The following WDR41 variants were observed in gnomAD, a reference collection of about 807,000 sequenced individuals.
WDR41 encodes WD repeat-containing protein 41.
A neutral mutation model predicts 69.3 loss-of-function variants in WDR41; 63 were observed. That is an observed-to-expected ratio of 0.91 (90% CI 0.74 to 1.12). The LOEUF (loss-of-function observed/expected upper bound fraction) is 1.12. WDR41 is among the 50% of genes most tolerant of loss of function. The probability of loss-of-function intolerance (pLI) is 0.00; values close to 1 mark genes in which losing one functional copy is unlikely to be tolerated. For synonymous variants in WDR41, 185 were observed against 192.1 expected, an observed-to-expected ratio of 0.96 and a Z score of 0.31; for missense variants, 543 against 534.5, an observed-to-expected ratio of 1.02 and a Z score of -0.16.
chr5:77,512,728 G>C (rs933925411), intron 1 of WDR41, among the ~76,000 whole-genome samples: 2 of 127,128 alleles, frequency 1.6e-5, no homozygotes, highest in African/African-American at 6.1e-5. Flanking sequence ...CCTGGCGAGA[G>C]AGCGAAGACT....
intron 1 of WDR41, among the ~76,000 whole-genome samples, chr5:77,504,450 G>T (rs1296571761): frequency 6.6e-6 from 1 of 152,278 alleles, no homozygotes; most frequent in East Asian, 1.9e-4. Flanking sequence ...GAGGTACAAA[G>T]AAGAGCTGGT....
chr5:77,576,129 T>C, intron 1 of WDR41, among the ~76,000 whole-genome samples: 1 of 152,154 alleles, frequency 6.6e-6, no homozygotes, highest in South Asian at 2.1e-4. Context: ...GTTTGCGATA[T>C]GACAAAACGC....
intron 7 of WDR41, 27 bp from the exon 8 acceptor site, chr5:77,449,897 T>C: frequency 1.4e-6 from 2 of 1,469,342 alleles, no homozygotes; most frequent in Admixed American, 3.4e-5. Flanking sequence ...GATAAAATTT[T>C]ATTACAATGC....
intron 1 of WDR41, among the ~76,000 whole-genome samples, chr5:77,541,857 T>C (rs1161071802): frequency 6.6e-6 from 1 of 152,186 alleles, no homozygotes. Flanking sequence ...TGGAAGACAG[T>C]ATGGCAATTC....
In WDR41 at chr5:77,582,878, C is replaced by T. The variant is rs530001025; in HGVS notation, c.42+37601G>A. 19 of 1,606,172 alleles carry T rather than the reference C, an allele frequency of 1.2e-5. No individual in the cohort carries two copies. In the South Asian group the frequency reaches 2.1e-4, roughly 18 times the overall value. On this transcript the variant is annotated intron_variant, in intron 1 of 5. Coordinates refer to the WDR41 transcript ENST00000509971. The stretch of plus-strand genomic sequence containing the variant: ...GGCAAAATCAATAAGAAGCGAATTG[C>T]TTTGACAGATAACGCTTTGATTGCT...
intron 2 of WDR41, among the ~76,000 whole-genome samples, chr5:77,467,934 G>GT (rs1172573742): frequency 4.0e-5 from 6 of 151,052 alleles, no homozygotes; most frequent in African/African-American, 1.5e-4. Context: ...TATACTTCAG[G>GT]TTTTTTCTTT....
chr5:77,528,291 T>C (rs1297314103), intron 1 of WDR41, among the ~76,000 whole-genome samples: 1 of 151,682 alleles, frequency 6.6e-6, no homozygotes, highest in Non-Finnish European at 1.5e-5. Context: ...TTTATGACAA[T>C]AAATTAAAAT....
At chr5:77,582,974 G>C in intron 1 of WDR41, 1 of 1,606,010 alleles carries the variant, frequency 6.2e-7, no homozygotes, top group East Asian at 2.2e-5. Flanking sequence ...GTTGGAAAAC[G>C]CTTCAAAGAG....
chr5:77,542,352 G>T (rs2112226513), intron 1 of WDR41, among the ~76,000 whole-genome samples: 1 of 152,188 alleles, frequency 6.6e-6, no homozygotes, highest in East Asian at 1.9e-4. Context: ...GTGATGGGAT[G>T]ATCTGTACAG....
chr5:77,544,277 T>A (rs1743148598), intron 1 of WDR41, among the ~76,000 whole-genome samples: 1 of 151,992 alleles, frequency 6.6e-6, no homozygotes, highest in Admixed American at 6.6e-5. Flanking sequence ...AATCAAGGTA[T>A]ACAGGCAACG....
intron 5 of WDR41, among the ~76,000 whole-genome samples, chr5:77,454,310 C>A (rs1158554928): frequency 6.6e-6 from 1 of 152,188 alleles, no homozygotes; most frequent in African/African-American, 2.4e-5. Context: ...GGAGGCAGCT[C>A]CTCCACCGCA....
At chr5:77,486,101 A>C (rs1801508767) in intron 2 of WDR41, among the ~76,000 whole-genome samples, 1 of 152,240 alleles carries the variant, frequency 6.6e-6, no homozygotes, top group Admixed American at 6.5e-5. Context: ...TAAGAGTAAA[A>C]ACATTCGGTT....
rs1375997726 is a variant in WDR41 at position 77,432,259 on chromosome 5, TC to T, written c.*875del. 1 of 152,210 alleles carries T rather than the reference TC, an allele frequency of 6.6e-6. No individual in the cohort carries two copies. Among genetic ancestry groups the T allele is most frequent in the East Asian group, 1.9e-4 (1 of 5,200 alleles). The allele number at this position is 152,210 out of a possible 1,614,324, so 9.4% of individuals were successfully genotyped here. ...ATGTGTAGACTACTTTCTAATATTT[TC>T]ATTTTTTAGCACCAAAAGGAGAAAA... is the stretch of plus-strand genomic sequence containing the variant. On this transcript the variant is annotated 3_prime_UTR_variant, in exon 13 of 13. Coordinates refer to ENST00000296679, the MANE Select transcript of WDR41 (RefSeq NM_018268.4).
chr5:77,496,562 G>C (rs988633201), upstream of WDR41, among the ~76,000 whole-genome samples: 1 of 152,000 alleles, frequency 6.6e-6, no homozygotes, highest in Non-Finnish European at 1.5e-5. Context: ...AACCCTGGAG[G>C]TGAAAGACTT....
chr5:77,573,557 G>C (rs879780343), intron 1 of WDR41, among the ~76,000 whole-genome samples: 4 of 151,998 alleles, frequency 2.6e-5, no homozygotes, highest in Non-Finnish European at 4.4e-5. Flanking sequence ...ACTCTTCATG[G>C]TACCTCCTTT....
intron 5 of WDR41, among the ~76,000 whole-genome samples, chr5:77,457,763 C>T (rs1490485587): frequency 1.5e-5 from 2 of 135,764 alleles, no homozygotes; most frequent in African/African-American, 3.2e-5. Flanking sequence ...GATAAACTAT[C>T]TATTCAAGAA....
At chr5:77,578,334 A>C (rs527609245) in intron 1 of WDR41, among the ~76,000 whole-genome samples, 2 of 152,306 alleles carry the variant, frequency 1.3e-5, no homozygotes, top group South Asian at 2.1e-4. Flanking sequence ...CCAGTGAGTC[A>C]GAAAACCAGC....
At chr5:77,527,017 A>T (rs1284297515) in intron 1 of WDR41, among the ~76,000 whole-genome samples, 1 of 152,034 alleles carries the variant, frequency 6.6e-6, no homozygotes, top group African/African-American at 2.4e-5. Flanking sequence ...ACAAAAATGC[A>T]AATTTTCTCT....
At chr5:77,515,472 CTGTTTTACAGTT>C (rs1355594843) in intron 1 of WDR41, among the ~76,000 whole-genome samples, 6 of 152,090 alleles carry the variant, frequency 3.9e-5, no homozygotes, top group African/African-American at 1.4e-4. Flanking sequence ...CAGCCTGAGG[CTGTTTTACAGTT>C]AACATTTTTT....
Sources: gnomAD v4.1 joint callset for allele counts (sites outside exome capture counted in the v4.1 genomes callset) on GRCh38, gnomAD v4.1.1 for gene constraint, MANE v1.5 for transcripts, NCBI Gene and HGNC (gene_info 2026-07-23, HGNC 2026-07-21) for gene names.